The following SUMF1 variants were observed in gnomAD, a reference collection of about 807,000 sequenced individuals.
The protein encoded by SUMF1 is sulfatase modifying factor 1, also known as formylglycine-generating enzyme.
SUMF1 carries 48 observed loss-of-function variants against 47.6 expected under a neutral mutation model. That is an observed-to-expected ratio of 1.01 (90% CI 0.80 to 1.28). The LOEUF is 1.28. Ranked by LOEUF, SUMF1 falls within the 50% of genes most tolerant of loss-of-function variation. The probability of loss-of-function intolerance (pLI) is 0.00; values close to 1 mark genes in which losing one functional copy is unlikely to be tolerated. For missense variants in SUMF1, 571 were observed against 485.4 expected (o/e 1.18, Z -1.66); for synonymous variants, 230 against 192.1 (o/e 1.20, Z -1.63).
At chr3:4,288,235 A>T (rs1380762256) in intron 8 of SUMF1, among the ~76,000 whole-genome samples, 1 of 152,242 alleles carries the variant, frequency 6.6e-6, no homozygotes, top group Non-Finnish European at 1.5e-5. Flanking sequence ...ACATCTGAGC[A>T]GTAAGCAAAC....
chr3:4,365,081 C>G (rs372771065), intron 8 of SUMF1, among the ~76,000 whole-genome samples: 1 of 150,680 alleles, frequency 6.6e-6, no homozygotes, highest in Non-Finnish European at 1.5e-5. Flanking sequence ...GTCTGAGAGA[C>G]AGTTTGTTAT....
intron 8 of SUMF1, among the ~76,000 whole-genome samples, chr3:4,259,886 T>C (rs1464393836): frequency 3.3e-5 from 2 of 61,254 alleles, no homozygotes; most frequent in African/African-American, 9.0e-5. Context: ...TTTGTTTAAA[T>C]TTTTTTTTAA....
intron 7 of SUMF1, among the ~76,000 whole-genome samples, chr3:4,406,028 T>C (rs1271475466): frequency 2.6e-5 from 4 of 152,216 alleles, no homozygotes; most frequent in Non-Finnish European, 5.9e-5. Flanking sequence ...GCTTCTTTTT[T>C]TCTTTTTTCC....
At chr3:4,183,453 G>T (rs1380360764) in intron 8 of SUMF1, among the ~76,000 whole-genome samples, 3 of 152,114 alleles carry the variant, frequency 2.0e-5, no homozygotes, top group South Asian at 2.1e-4. Context: ...TACTGAATTT[G>T]TAATGTAAAC....
intron 8 of SUMF1, among the ~76,000 whole-genome samples, chr3:4,158,630 T>C (rs1003515954): frequency 5.9e-5 from 9 of 151,494 alleles, no homozygotes; most frequent in Non-Finnish European, 1.3e-4. Flanking sequence ...GACTCACAGA[T>C]AGATATGTGC....
chr3:4,426,991 C>G (rs946633010), intron 3 of SUMF1, among the ~76,000 whole-genome samples: 2 of 152,172 alleles, frequency 1.3e-5, no homozygotes, highest in African/African-American at 4.8e-5. Context: ...CTTCAGAGAG[C>G]AAAGACATGT....
At chr3:4,131,432 T>C (rs1263403881) in intron 8 of SUMF1, among the ~76,000 whole-genome samples, 3 of 152,094 alleles carry the variant, frequency 2.0e-5, no homozygotes, top group East Asian at 3.9e-4. Flanking sequence ...CTGCACAATA[T>C]GCAAGCACCA....
chr3:4,258,862 C>T (rs1697017814), intron 8 of SUMF1, among the ~76,000 whole-genome samples: 1 of 136,366 alleles, frequency 7.3e-6, no homozygotes, highest in South Asian at 2.2e-4. Context: ...TGGAACCAAC[C>T]CAAATGTCCA....
intron 8 of SUMF1, among the ~76,000 whole-genome samples, chr3:4,121,566 C>T (rs965563204): frequency 2.6e-5 from 4 of 152,048 alleles, no homozygotes; most frequent in African/African-American, 9.7e-5. Flanking sequence ...AGCCTGTAGA[C>T]ATAATTTGAA....
chr3:4,256,050 A>C (rs1269552970), intron 8 of SUMF1, among the ~76,000 whole-genome samples: 1 of 150,654 alleles, frequency 6.6e-6, no homozygotes, highest in African/African-American at 2.5e-5. Context: ...AGAAATAAAG[A>C]TGTTCTTTGA....
chr3:4,461,526 T>C (rs549714129), intron 1 of SUMF1, among the ~76,000 whole-genome samples: 18 of 152,354 alleles, frequency 1.2e-4, no homozygotes, highest in South Asian at 8.3e-4. Flanking sequence ...TTGTACCTAA[T>C]GAACTTTTAC....
chr3:4,150,699 A>C (rs1332816082), intron 8 of SUMF1, among the ~76,000 whole-genome samples: 1 of 151,626 alleles, frequency 6.6e-6, no homozygotes, highest in Non-Finnish European at 1.5e-5. Flanking sequence ...CTTTATTTTT[A>C]ATAAGAAAAA....
At chr3:4,347,213 G>A (rs916671912) in intron 8 of SUMF1, among the ~76,000 whole-genome samples, 7 of 151,990 alleles carry the variant, frequency 4.6e-5, no homozygotes, top group South Asian at 4.1e-4. Context: ...TACCAAAACC[G>A]GGAAGAGACA....
chr3:4,445,677 G>C (rs1428625041), intron 3 of SUMF1, among the ~76,000 whole-genome samples: 1 of 152,146 alleles, frequency 6.6e-6, no homozygotes, highest in Non-Finnish European at 1.5e-5. Flanking sequence ...AGTTCATGAA[G>C]ACTTTTTTAA....
chr3:4,335,426 A>G (rs1329763740), intron 8 of SUMF1, among the ~76,000 whole-genome samples: 1 of 152,190 alleles, frequency 6.6e-6, no homozygotes, highest in Non-Finnish European at 1.5e-5. Flanking sequence ...ATGAATCCCC[A>G]AATCAGCCTC....
intron 8 of SUMF1, among the ~76,000 whole-genome samples, chr3:4,284,545 C>A (rs2125049079): frequency 6.7e-6 from 1 of 150,150 alleles, no homozygotes. Flanking sequence ...TACAGGTGAC[C>A]CTGGCATCAA....
chr3:4,119,384 T>C (rs1693490851), intron 8 of SUMF1, among the ~76,000 whole-genome samples: 1 of 152,098 alleles, frequency 6.6e-6, no homozygotes, highest in Admixed American at 6.6e-5. Flanking sequence ...CCTTTGCAGT[T>C]TGACTATGAC....
intron 8 of SUMF1, among the ~76,000 whole-genome samples, chr3:4,199,090 C>G (rs1477118277): frequency 6.6e-6 from 1 of 152,090 alleles, no homozygotes; most frequent in African/African-American, 2.4e-5. Flanking sequence ...GCAGCCATCA[C>G]CACAATCAAG....
intron 8 of SUMF1, among the ~76,000 whole-genome samples, chr3:4,315,121 TTACAAA>T (rs1419382814): frequency 1.3e-4 from 20 of 152,114 alleles, no homozygotes; most frequent in African/African-American, 2.4e-4. Context: ...ATGCCCCAAA[TTACAAA>T]TACATAGTAT....
Sources: gnomAD v4.1 joint callset for allele counts (sites outside exome capture counted in the v4.1 genomes callset) on GRCh38, gnomAD v4.1.1 for gene constraint, MANE v1.5 for transcripts, NCBI Gene and HGNC (gene_info 2026-07-23, HGNC 2026-07-21) for gene names.